CCAR1: variants seen among roughly 807,000 people sequenced by gnomAD.
The protein encoded by CCAR1 is cell division cycle and apoptosis regulator 1.
A neutral mutation model predicts 163.8 loss-of-function variants in CCAR1; 78 were observed. The ratio of observed to expected loss-of-function variants is 0.48; its 90% CI spans 0.40 to 0.57. The LOEUF is 0.57. Among genes scored for constraint, CCAR1 ranks in the 20% least tolerant of loss-of-function variants. The pLI is 0.00. For synonymous variants in CCAR1, 443 were observed against 460.7 expected (o/e 0.96, Z 0.49); for missense variants, 1,019 against 1,365.2 (o/e 0.75, Z 4.00).
chr10:68,721,696 G>T (rs554542264), intron 1 of CCAR1: 27 of 376,350 alleles, frequency 7.2e-5, no homozygotes, highest in African/African-American at 4.5e-4. Context: ...GCTCTCGGGA[G>T]CCATCGAGTG....
intron 6 of CCAR1, among the ~76,000 whole-genome samples, chr10:68,744,902 C>G (rs533349755): frequency 2.0e-5 from 3 of 150,020 alleles, no homozygotes; most frequent in African/African-American, 7.4e-5. Flanking sequence ...TGCAGTGTTG[C>G]GATCATAGTG....
chr10:68,732,689 C>T (rs1031388707), intron 2 of CCAR1, among the ~76,000 whole-genome samples: 32 of 152,130 alleles, frequency 2.1e-4, no homozygotes, highest in African/African-American at 7.2e-4. Context: ...TATATATAAT[C>T]CTTTTGAAAA....
Position 68,756,574 on chromosome 10 carries a change from C to A in CCAR1, c.1836+91C>A. On this transcript the variant is annotated intron_variant, in intron 14 of 24. Transcript: ENST00000265872. The surrounding 1 kb of genome is among the most constrained non-coding windows in gnomAD (Gnocchi z 5.1). ...CACACCACACACTACATAATAAACA[C>A]ACATGGAGGAACATAACTGGTAACA... 1 of 992,508 alleles carries A rather than the reference C, an allele frequency of 1.0e-6. No individual in the cohort carries two copies. Among genetic ancestry groups the A allele is most frequent in the Non-Finnish European group, 1.6e-6 (1 of 640,026 alleles). 61.5% of individuals were successfully genotyped at this position (992,508 alleles called of 1,614,324 possible).
intron 8 of CCAR1, among the ~76,000 whole-genome samples, 153 bp downstream of exon 8, chr10:68,747,719 G>A (rs1482076517): frequency 6.6e-6 from 1 of 152,068 alleles, no homozygotes; most frequent in African/African-American, 2.4e-5. Context: ...CTATGTGGAA[G>A]TATTTTTTTT....
At chr10:68,741,291 T>C (rs1308868373) in intron 5 of CCAR1, among the ~76,000 whole-genome samples, 2 of 152,210 alleles carry the variant, frequency 1.3e-5, no homozygotes, top group Admixed American at 6.6e-5. Context: ...TTGGAAGATT[T>C]CTGCACGTTT....
At chr10:68,721,663 C>T (rs994074090) in intron 1 of CCAR1, 2 of 419,622 alleles carry the variant, frequency 4.8e-6, no homozygotes, top group African/African-American at 2.2e-5. Context: ...AGGCTTTCTC[C>T]GTGCGTGGTA....
Position 68,722,442 on chromosome 10 carries a change from C to T in CCAR1, c.-50-13C>T, listed in dbSNP as rs766252675. Reference sequence around the variant, plus strand: ...TTGGTTGGACTTTAAAATGTGGATCCTTTTCTTGATAGATCGATGCTATAG... The same window carrying T: ...TTGGTTGGACTTTAAAATGTGGATCTTTTTCTTGATAGATCGATGCTATAG... On this transcript the variant is annotated splice_polypyrimidine_tract_variant and intron_variant, in intron 1 of 24. Transcript: ENST00000265872. 1.5e-6 allele frequency: 2 copies of T among 1,306,802 alleles called. No homozygotes were observed. Among genetic ancestry groups the T allele is most frequent in the African/African-American group, 2.9e-5 (2 of 68,970 alleles). The allele number at this position is 1,306,802 out of a possible 1,614,324, so 81.0% of individuals were successfully genotyped here.
At chr10:68,760,832 C>T (rs533961549) in intron 15 of CCAR1, 175 bp from the exon 16 acceptor site, 6 of 423,164 alleles carry the variant, frequency 1.4e-5, no homozygotes, top group East Asian at 7.9e-5. Context: ...CCACTGCACT[C>T]CAGCCTGGGC....
chr10:68,789,714 A>G lies in CCAR1; in HGVS notation c.3192A>G (p.Glu1064=), dbSNP rs2056832725. Residue 1064 remains glutamate (E), a synonymous_variant, in exon 24 of 25, where the codon GAA becomes GAG. Coordinates refer to ENST00000265872, the MANE Select transcript of CCAR1 (RefSeq NM_018237.4). The stretch of plus-strand genomic sequence containing the variant: ...TTTTTGGATTTTTTTAAACAGATGA[A>G]GATGAAAAAACCATATTAAATTTGG... ...KLQLLEEKTD[E]DEKTILNLEN... is the part of the protein sequence containing the mutation. 1 of 1,555,380 alleles carries G rather than the reference A, an allele frequency of 6.4e-7. No individual in the cohort carries two copies. Among genetic ancestry groups the G allele is most frequent in the African/African-American group, 1.4e-5 (1 of 72,140 alleles).
chr10:68,721,347 G>GA (rs1564524080), intron 1 of CCAR1, 65 bp downstream of exon 1: 1 of 260,806 alleles, frequency 3.8e-6, no homozygotes, highest in Non-Finnish European at 7.7e-6. Context: ...ACATCTTGTC[G>GA]AATCTGTGGA....
intron 2 of CCAR1, among the ~76,000 whole-genome samples, chr10:68,725,430 C>T (rs1373426128): frequency 1.3e-5 from 2 of 151,952 alleles, no homozygotes; most frequent in East Asian, 3.9e-4. Flanking sequence ...GTCAACAAAA[C>T]GTCATTTTCA....
intron 19 of CCAR1, among the ~76,000 whole-genome samples, chr10:68,776,171 T>G (rs1435836935): frequency 3.3e-5 from 5 of 152,126 alleles, no homozygotes; most frequent in Non-Finnish European, 7.3e-5. Context: ...TAATGTTGGT[T>G]TCATCCATTC....
intron 13 of CCAR1, 95 bp downstream of exon 13, chr10:68,755,631 C>A (rs1183740747): frequency 4.4e-5 from 44 of 1,000,950 alleles, no homozygotes; most frequent in Non-Finnish European, 6.4e-5. Flanking sequence ...CTTATTTTAG[C>A]AACCCTGGTC....
At chr10:68,761,877 C>T (rs2056475754) in intron 16 of CCAR1, among the ~76,000 whole-genome samples, 1 of 152,114 alleles carries the variant, frequency 6.6e-6, no homozygotes, top group Non-Finnish European at 1.5e-5. Flanking sequence ...GCTGAGGTTA[C>T]AGGCGTGAGC....
At position 68,772,981 on chromosome 10, in the gene CCAR1, A is replaced by G; in HGVS notation, c.2539-7A>G. Reference sequence around the variant, plus strand: ...TAAATAAATAATAAAGGCATTTTAAATTATAGAAAGAAGATAAAAGAAAAG... The same window carrying G: ...TAAATAAATAATAAAGGCATTTTAAGTTATAGAAAGAAGATAAAAGAAAAG... On this transcript the variant is annotated splice_polypyrimidine_tract_variant and splice_region_variant and intron_variant, in intron 18 of 24. Transcript: ENST00000265872. 1 of 1,307,134 alleles carries G rather than the reference A, an allele frequency of 7.7e-7. No homozygotes were observed. The highest frequency in any genetic ancestry group is 1.1e-6 in the Non-Finnish European group (1 of 938,080). The allele number at this position is 1,307,134 out of a possible 1,614,324, so 81.0% of individuals were successfully genotyped here. A position where few individuals can be genotyped will look rare whatever the true frequency, so the allele number is the denominator to read the frequency against.
rs951929265 is a variant in CCAR1 at position 68,792,017 on chromosome 10, C to G, written c.*751C>G. On this transcript the variant is annotated 3_prime_UTR_variant, in exon 25 of 25. Coordinates refer to ENST00000265872, the MANE Select transcript of CCAR1 (RefSeq NM_018237.4). ...ACCCAGGAGGCGGAGGTTGCAGTCA[C>G]TCAGGATCATGCAGCTACACTCCAG... 6.6e-6 allele frequency: 1 copy of G among 151,406 alleles called. No individual in the cohort carries two copies. The highest frequency in any genetic ancestry group is 6.6e-5 in the Admixed American group (1 of 15,134). 9.4% of individuals were successfully genotyped at this position (151,406 alleles called of 1,614,324 possible).
At chr10:68,747,873 G>A (rs2056277975) in intron 8 of CCAR1, among the ~76,000 whole-genome samples, 1 of 152,076 alleles carries the variant, frequency 6.6e-6, no homozygotes, top group Non-Finnish European at 1.5e-5. Context: ...AACTCCAGAT[G>A]TGTTCTTTTT....
chr10:68,775,286 G>C (rs561258691), intron 19 of CCAR1, among the ~76,000 whole-genome samples: 3 of 152,018 alleles, frequency 2.0e-5, no homozygotes, highest in Non-Finnish European at 4.4e-5. Context: ...CCTCTTATTT[G>C]CTTTAATATA....
chr10:68,732,530 A>G (rs1191964911), intron 2 of CCAR1, among the ~76,000 whole-genome samples: 1 of 151,780 alleles, frequency 6.6e-6, no homozygotes, highest in East Asian at 1.9e-4. Context: ...TTGTGTTTTA[A>G]TAGAGATGGG....
Sources: allele counts gnomAD v4.1 joint callset (sites outside exome capture counted in the v4.1 genomes callset), GRCh38; gene constraint gnomAD v4.1.1; non-coding constraint Gnocchi (gnomAD v3.1); transcripts MANE v1.5; gene names NCBI Gene and HGNC (gene_info 2026-07-23, HGNC 2026-07-21).